Variants in ARB2A observed in about 807,000 individuals in gnomAD.
ARB2A encodes the protein cotranscriptional regulator ARB2A.
At chr5:94,040,757 G>A in the ARB2A span, among the ~76,000 whole-genome samples, 1 of 151,976 alleles carries the variant, frequency 6.6e-6, no homozygotes, top group African/African-American at 2.4e-5. Flanking sequence ...CTATTACTCA[G>A]GGCAACTATC....
At chr5:94,055,667 T>C in the ARB2A span, 6 of 985,228 alleles carry the variant, frequency 6.1e-6, no homozygotes, top group Admixed American at 6.1e-5. Flanking sequence ...TACCACCTTG[T>C]AAATCTTTTC....
At chr5:93,642,637 G>T in the ARB2A span, among the ~76,000 whole-genome samples, 1 of 152,158 alleles carries the variant, frequency 6.6e-6, no homozygotes, top group Admixed American at 6.5e-5. Context: ...GGATCCCAAA[G>T]TGCTGGGATT....
At chr5:93,954,720 GTACT>G in the ARB2A span, among the ~76,000 whole-genome samples, 1 of 152,068 alleles carries the variant, frequency 6.6e-6, no homozygotes, top group East Asian at 1.9e-4. Context: ...CACAGCACCA[GTACT>G]TGCCCAAGAA....
At chr5:93,704,885 C>T in the ARB2A span, among the ~76,000 whole-genome samples, 6 of 152,302 alleles carry the variant, frequency 3.9e-5, no homozygotes, top group East Asian at 9.6e-4. Context: ...TCTACCAATT[C>T]GACACAGAAT....
At chr5:94,003,808 G>A in the ARB2A span, among the ~76,000 whole-genome samples, 2,185 of 152,090 alleles carry the variant, frequency 0.014, 27 homozygotes, top group Non-Finnish European at 0.023. Flanking sequence ...AGCTCCTATT[G>A]AAATCTCAGC....
chr5:93,714,039 T>C, the ARB2A span, among the ~76,000 whole-genome samples: 1 of 152,304 alleles, frequency 6.6e-6, no homozygotes, highest in Non-Finnish European at 1.5e-5. Flanking sequence ...CCTGCAACTA[T>C]ACTAGGATGC....
the ARB2A span, among the ~76,000 whole-genome samples, chr5:93,763,113 C>T: frequency 3.3e-5 from 5 of 152,158 alleles, no homozygotes; most frequent in South Asian, 6.2e-4. Context: ...TAAAGACCAT[C>T]GAGACTAGGA....
the ARB2A span, among the ~76,000 whole-genome samples, chr5:93,672,572 T>C: frequency 1.3e-5 from 2 of 152,074 alleles, no homozygotes; most frequent in Non-Finnish European, 2.9e-5. Flanking sequence ...CCTCCCAAAG[T>C]GCTGGGATTA....
the ARB2A span, among the ~76,000 whole-genome samples, chr5:93,768,165 A>C: frequency 1.9e-4 from 29 of 152,038 alleles, 1 homozygote; most frequent in African/African-American, 7.0e-4. Flanking sequence ...TAATAGCATA[A>C]GAATGATATA....
chr5:93,644,839 A>C, the ARB2A span, among the ~76,000 whole-genome samples: 2 of 152,228 alleles, frequency 1.3e-5, no homozygotes, highest in Non-Finnish European at 1.5e-5. Flanking sequence ...AATGCAACAG[A>C]TAAAGTTAAG....
the ARB2A span, among the ~76,000 whole-genome samples, chr5:93,770,314 A>C: frequency 6.6e-6 from 1 of 152,166 alleles, no homozygotes. Flanking sequence ...TCTCAAAATA[A>C]TAAGAGCTAT....
chr5:93,992,333 A>G, the ARB2A span, among the ~76,000 whole-genome samples: 217 of 152,182 alleles, frequency 1.4e-3, no homozygotes, highest in Non-Finnish European at 2.2e-3. Flanking sequence ...TAGAAATACA[A>G]TGTTATAAGG....
the ARB2A span, among the ~76,000 whole-genome samples, chr5:93,673,773 C>G: frequency 2.6e-5 from 4 of 152,066 alleles, no homozygotes; most frequent in African/African-American, 9.7e-5. Flanking sequence ...TGTGATTAAA[C>G]GAGTCCTCTG....
the ARB2A span, among the ~76,000 whole-genome samples, chr5:93,686,476 C>T: frequency 1.3e-5 from 2 of 152,160 alleles, no homozygotes; most frequent in Non-Finnish European, 2.9e-5. Flanking sequence ...TGACCACAAC[C>T]TCCTATCTTT....
At chr5:94,010,540 C>T in the ARB2A span, among the ~76,000 whole-genome samples, 1 of 152,082 alleles carries the variant, frequency 6.6e-6, no homozygotes, top group Non-Finnish European at 1.5e-5. Context: ...GCAGTTGATG[C>T]TTTCCCAAGA....
the ARB2A span, among the ~76,000 whole-genome samples, chr5:94,093,992 A>T: frequency 2.0e-5 from 3 of 151,880 alleles, no homozygotes; most frequent in Non-Finnish European, 4.4e-5. Context: ...GGCAAATTCC[A>T]CTCCATCATT....
chr5:94,022,596 A>T, the ARB2A span, among the ~76,000 whole-genome samples: 1 of 152,224 alleles, frequency 6.6e-6, no homozygotes, highest in Non-Finnish European at 1.5e-5. Flanking sequence ...GGTTTGGAGC[A>T]AATAATACTA....
the ARB2A span, among the ~76,000 whole-genome samples, chr5:93,661,652 C>G: frequency 4.3e-4 from 3 of 6,942 alleles, no homozygotes; most frequent in African/African-American, 1.6e-3. Context: ...GGTAGCTGAT[C>G]AGCTAAAAAA....
the ARB2A span, among the ~76,000 whole-genome samples, chr5:93,692,047 AC>A: frequency 6.6e-6 from 1 of 152,186 alleles, no homozygotes; most frequent in Non-Finnish European, 1.5e-5. Flanking sequence ...GAAAGGAAAA[AC>A]TGGTACCTAC....
Sources: allele counts gnomAD v4.1 joint callset (sites outside exome capture counted in the v4.1 genomes callset), GRCh38; gene constraint gnomAD v4.1.1; transcripts MANE v1.5; gene names NCBI Gene and HGNC (gene_info 2026-07-23, HGNC 2026-07-21).